The following ZNF236 variants were observed in gnomAD, a reference collection of about 807,000 sequenced individuals.
ZNF236 encodes the protein regulated by glucose.
ZNF236 carries 50 observed loss-of-function variants against 191.2 expected under a neutral mutation model. The observed-to-expected ratio is 0.26, with a 90% confidence interval of 0.21 to 0.33. ZNF236 has a LOEUF of 0.33. ZNF236 is among the 10% of genes least tolerant of loss of function. ZNF236 has a pLI of 1.00. For synonymous variants in ZNF236, 907 were observed against 928.8 expected (o/e 0.98, Z 0.43); for missense variants, 1,754 against 2,374.5 (o/e 0.74, Z 5.43).
chr18:76,871,332 G>A (rs1011757482), intron 4 of ZNF236, among the ~76,000 whole-genome samples: 1 of 152,074 alleles, frequency 6.6e-6, no homozygotes, highest in African/African-American at 2.4e-5. Context: ...CAGATGGTGC[G>A]GAGAGCAAGA....
chr18:76,841,351 C>T (rs1381442283), intron 1 of ZNF236, among the ~76,000 whole-genome samples: 2 of 152,216 alleles, frequency 1.3e-5, no homozygotes, highest in South Asian at 2.1e-4. Context: ...GGATTACAGG[C>T]GTGAGCCTCC....
intron 4 of ZNF236, among the ~76,000 whole-genome samples, chr18:76,870,179 AT>A (rs1451776042): frequency 6.6e-6 from 1 of 152,186 alleles, no homozygotes; most frequent in Admixed American, 6.5e-5. Context: ...TGGACTGGAC[AT>A]CTCTGTATGA....
At chr18:76,839,972 C>G (rs1414613706) in intron 1 of ZNF236, among the ~76,000 whole-genome samples, 1 of 152,170 alleles carries the variant, frequency 6.6e-6, no homozygotes, top group Non-Finnish European at 1.5e-5. Flanking sequence ...GGCCCTGTTA[C>G]TTTCAGATCC....
chr18:76,927,267 T>C lies in ZNF236; in HGVS notation c.4174-10T>C, dbSNP rs779254397. The C allele has an allele frequency of 9.3e-6, 15 of 1,613,986 alleles. No individual in the cohort carries two copies. In the East Asian group the frequency reaches 3.1e-4, roughly 34 times the overall value. On this transcript the variant is annotated splice_polypyrimidine_tract_variant and intron_variant, in intron 23 of 30. Coordinates refer to ENST00000320610, the MANE Select transcript of ZNF236 (RefSeq NM_001306089.2). This position sits in a 1 kb window ranked among gnomAD's most constrained non-coding sequence, Gnocchi z 5.4. The stretch of plus-strand genomic sequence containing the variant: ...AAGTTTTCATTACAAGTACCTGTGC[T>C]GCTTTTCAGATTGATCCAAGCATTC...
At chr18:76,868,541 A>G (rs1195142996) in intron 3 of ZNF236, 144 bp from the exon 4 acceptor site, 4 of 562,426 alleles carry the variant, frequency 7.1e-6, no homozygotes, top group African/African-American at 1.9e-5. Context: ...TGCTTGTTCC[A>G]GAGGAAAGTA....
At chr18:76,862,177 T>TC (rs1249103024) in intron 3 of ZNF236, among the ~76,000 whole-genome samples, 1 of 152,162 alleles carries the variant, frequency 6.6e-6, no homozygotes, top group African/African-American at 2.4e-5. Context: ...TTTCTTTTTT[T>TC]CTTCCCAGAC....
chr18:76,879,479 T>A (rs918797163), intron 7 of ZNF236, among the ~76,000 whole-genome samples: 1 of 152,198 alleles, frequency 6.6e-6, no homozygotes, highest in Non-Finnish European at 1.5e-5. Flanking sequence ...CAGGGTTTAC[T>A]CTCAGAGTTG....
intron 13 of ZNF236, among the ~76,000 whole-genome samples, chr18:76,906,064 A>G (rs1056112183): frequency 1.3e-5 from 2 of 152,234 alleles, no homozygotes; most frequent in Non-Finnish European, 2.9e-5. Flanking sequence ...AGGGAGAGTC[A>G]CTAGGCCTAA....
At chr18:76,856,456 T>C (rs965586259) in intron 3 of ZNF236, among the ~76,000 whole-genome samples, 2 of 152,202 alleles carry the variant, frequency 1.3e-5, no homozygotes, top group South Asian at 4.1e-4. Context: ...GTGCTGAGAT[T>C]ACAGGCATGA....
At chr18:76,884,002 G>A (rs11877624) in intron 9 of ZNF236, among the ~76,000 whole-genome samples, 9,734 of 152,020 alleles carry the variant, frequency 0.064, 1,016 homozygotes, top group African/African-American at 0.22. Flanking sequence ...GAATGTTTTC[G>A]GCGGGATTTG....
intron 19 of ZNF236, among the ~76,000 whole-genome samples, chr18:76,916,384 T>C (rs1040322982): frequency 1.3e-5 from 2 of 152,214 alleles, no homozygotes; most frequent in East Asian, 1.9e-4. Flanking sequence ...GTAGCAGTTA[T>C]GGACTGCTGT....
intron 18 of ZNF236, 29 bp from the exon 19 acceptor site, chr18:76,915,618 A>C (rs753765764): frequency 8.1e-6 from 13 of 1,609,710 alleles, no homozygotes; most frequent in African/African-American, 1.3e-5. Flanking sequence ...GATTGGTTCC[A>C]GCCGTTTTTT....
intron 3 of ZNF236, among the ~76,000 whole-genome samples, chr18:76,860,388 A>C (rs897541159): frequency 1.4e-4 from 22 of 152,160 alleles, no homozygotes; most frequent in African/African-American, 5.1e-4. Flanking sequence ...TTAATACTTC[A>C]CTGTGATTTC....
intron 27 of ZNF236, among the ~76,000 whole-genome samples, chr18:76,950,136 G>A (rs190291343): frequency 4.6e-5 from 7 of 152,124 alleles, no homozygotes; most frequent in African/African-American, 7.2e-5. Flanking sequence ...TGGGGTGGCC[G>A]TGACGATTTC....
At chr18:76,918,600 T>G (rs565112023) in intron 19 of ZNF236, among the ~76,000 whole-genome samples, 2 of 151,898 alleles carry the variant, frequency 1.3e-5, no homozygotes, top group Non-Finnish European at 2.9e-5. Context: ...TTTAAAAAAA[T>G]TTTTTTTTGT....
At chr18:76,918,707 C>G (rs1450479697) in intron 19 of ZNF236, among the ~76,000 whole-genome samples, 6 of 152,070 alleles carry the variant, frequency 3.9e-5, no homozygotes, top group African/African-American at 1.4e-4. Flanking sequence ...GGCGCGCGCC[C>G]CCATGCCTGG....
At chr18:76,874,268 T>C (rs2122618159) in intron 5 of ZNF236, among the ~76,000 whole-genome samples, 2 of 152,344 alleles carry the variant, frequency 1.3e-5, no homozygotes, top group East Asian at 3.9e-4. Context: ...TTCACTTATT[T>C]AACCCTAAAG....
intron 19 of ZNF236, among the ~76,000 whole-genome samples, chr18:76,918,900 A>G (rs756181507): frequency 6.6e-6 from 1 of 152,202 alleles, no homozygotes; most frequent in African/African-American, 2.4e-5. Flanking sequence ...ATAACAAGAA[A>G]AAAAGGATCT....
intron 1 of ZNF236, among the ~76,000 whole-genome samples, 157 bp downstream of exon 1, chr18:76,822,819 G>C (rs1468672365): frequency 6.8e-6 from 1 of 146,156 alleles, no homozygotes; most frequent in East Asian, 2.0e-4. Flanking sequence ...CTGGCCGGGC[G>C]GGCCGCAGCG....
Sources: allele counts gnomAD v4.1 joint callset (sites outside exome capture counted in the v4.1 genomes callset), GRCh38; gene constraint gnomAD v4.1.1; non-coding constraint Gnocchi (gnomAD v3.1); transcripts MANE v1.5; gene names NCBI Gene and HGNC (gene_info 2026-07-23, HGNC 2026-07-21).